DDC: variants seen among roughly 807,000 people sequenced by gnomAD.
DDC encodes the protein aromatic-L-amino-acid decarboxylase.
DDC carries 43 observed loss-of-function variants against 60.0 expected under a neutral mutation model. The ratio of observed to expected loss-of-function variants is 0.72; its 90% CI spans 0.56 to 0.92. The LOEUF (loss-of-function observed/expected upper bound fraction) is 0.92, where lower values mean the gene tolerates loss of function less well. Ranked by LOEUF, DDC falls within the 40% of genes least tolerant of loss-of-function variation. DDC has a pLI of 0.00. For synonymous variants in DDC, 232 were observed against 234.6 expected (o/e 0.99, Z 0.10); for missense variants, 573 against 620.2 (o/e 0.92, Z 0.81).
intron 1 of DDC, among the ~76,000 whole-genome samples, chr7:50,559,855 G>C (rs1347494785): frequency 2.6e-5 from 4 of 152,210 alleles, no homozygotes; most frequent in Admixed American, 1.3e-4. Flanking sequence ...TTGAAGAGCA[G>C]AAAACAAAAG....
chr7:50,460,349 A>G (rs1405737208), intron 14 of DDC, among the ~76,000 whole-genome samples: 12 of 119,756 alleles, frequency 1.0e-4, no homozygotes, highest in Middle Eastern at 6.9e-3. Flanking sequence ...CGCCCCGTCC[A>G]GGAAGGAGGT....
intron 9 of DDC, among the ~76,000 whole-genome samples, chr7:50,489,032 A>G (rs534921975): frequency 3.2e-4 from 48 of 152,224 alleles, no homozygotes; most frequent in African/African-American, 1.1e-3. Context: ...TTTGAGATGG[A>G]GTCTTGCTCT....
At chr7:50,521,246 A>C (rs2043881655) in intron 6 of DDC, among the ~76,000 whole-genome samples, 3 of 152,152 alleles carry the variant, frequency 2.0e-5, no homozygotes, top group Non-Finnish European at 1.5e-5. Flanking sequence ...GCCAAAACTC[A>C]GACAAAGAGA....
intron 11 of DDC, among the ~76,000 whole-genome samples, chr7:50,474,501 C>T (rs1434941920): frequency 6.6e-6 from 1 of 152,170 alleles, no homozygotes; most frequent in Non-Finnish European, 1.5e-5. Flanking sequence ...CAGGCAAGCC[C>T]TGCCACCTTC....
intron 14 of DDC, chr7:50,459,525 C>T (rs1427813467): frequency 1.6e-4 from 29 of 176,510 alleles, no homozygotes; most frequent in African/African-American, 5.8e-4. Context: ...CGCCTCTTCC[C>T]GGCCGCCATC....
At chr7:50,527,868 A>G in intron 6 of DDC, 1 of 372,948 alleles carries the variant, frequency 2.7e-6, no homozygotes, top group Non-Finnish European at 5.1e-6. Context: ...GACAAAACAA[A>G]AAAAAAAATG....
chr7:50,502,928 C>T (rs1487204997), intron 7 of DDC, among the ~76,000 whole-genome samples: 2 of 152,204 alleles, frequency 1.3e-5, no homozygotes, highest in Non-Finnish European at 2.9e-5. Flanking sequence ...GGGCTGCACC[C>T]TAGCTTCCTT....
rs762401724 is a variant in DDC, at chr7:50,554,588, G to GT, written c.-28-10476dup. Among the ~76,000 whole-genome samples the GT allele has an allele frequency of 1.8e-3, 280 of 152,162 alleles. 1 individual carries two copies. Among genetic ancestry groups the GT allele is most frequent in the Non-Finnish European group, 2.7e-3 (181 of 68,006 alleles). On this transcript the variant is annotated intron_variant, in intron 1 of 14. Coordinates refer to ENST00000444124, the MANE Select transcript of DDC (RefSeq NM_001082971.2). ...AAATCCACTGTTTTGCAACTGCTGG[G>GT]TTTTTTTAGCTTACAAGACTTAGGT...
intron 1 of DDC, among the ~76,000 whole-genome samples, chr7:50,553,511 G>A (rs1177588310): frequency 3.5e-5 from 4 of 114,106 alleles, no homozygotes; most frequent in African/African-American, 1.3e-4. Context: ...TTTTGAGATG[G>A]AGTCTTGCTC....
chr7:50,480,259 CT>C (rs1285468024), intron 9 of DDC, among the ~76,000 whole-genome samples: 1 of 152,138 alleles, frequency 6.6e-6, no homozygotes, highest in African/African-American at 2.4e-5. Flanking sequence ...TTAAAAACTC[CT>C]AAGTGGCAGG....
intron 1 of DDC, among the ~76,000 whole-genome samples, chr7:50,563,810 C>G (rs529734004): frequency 6.6e-6 from 1 of 152,186 alleles, no homozygotes; most frequent in Non-Finnish European, 1.5e-5. Context: ...CCATGTTGCC[C>G]AGGCTGGTCT....
chr7:50,493,083 A>G, intron 9 of DDC: 1 of 1,214,186 alleles, frequency 8.2e-7, no homozygotes, highest in Non-Finnish European at 1.2e-6. Context: ...GGGACCCAAA[A>G]TATTTCTGGT....
intron 4 of DDC, among the ~76,000 whole-genome samples, chr7:50,532,471 G>C (rs1022970137): frequency 2.6e-5 from 4 of 152,204 alleles, no homozygotes; most frequent in African/African-American, 9.7e-5. Flanking sequence ...GGATGAGCTG[G>C]TGTAACAGTC....
rs6964142 is a variant in DDC, at chr7:50,519,735, G to C, written c.714+8402C>G. The stretch of plus-strand genomic sequence containing the variant: ...TGATACAATGGGCTTTGGGGACTTG[G>C]GGGGAAGAGTGGGAGCGGGGGTGAG... On this transcript the variant is annotated intron_variant, in intron 6 of 14. Coordinates refer to ENST00000444124, the MANE Select transcript of DDC (RefSeq NM_001082971.2). 5.0e-3 allele frequency among the ~76,000 whole-genome samples: 762 copies of C among 152,160 alleles called. 5 individuals are homozygous for C. Among genetic ancestry groups the C allele is most frequent in the African/African-American group, 0.016 (683 of 41,498 alleles).
intron 6 of DDC, among the ~76,000 whole-genome samples, chr7:50,512,890 T>A (rs779373982): frequency 1.3e-5 from 2 of 152,152 alleles, no homozygotes; most frequent in Non-Finnish European, 2.9e-5. Flanking sequence ...TAGAAAGTCA[T>A]CACACATACC....
Position 50,458,748 on chromosome 7 carries a change from G to A in DDC, c.*114C>T, listed in dbSNP as rs974677725. The A allele has an allele frequency of 5.3e-5, 8 of 152,082 alleles. No individual in the cohort carries two copies. Among genetic ancestry groups the A allele is most frequent in the Non-Finnish European group, 8.8e-5 (6 of 68,000 alleles). 9.4% of individuals were successfully genotyped at this position (152,082 alleles called of 1,614,324 possible). A position where few individuals can be genotyped will look rare whatever the true frequency, so the allele number is the denominator to read the frequency against. ...TCTGGATAACTTTGGAGAAAGACAT[G>A]GGAAGCCACAGACAGCTGAGTTCCA... On this transcript the variant is annotated 3_prime_UTR_variant, in exon 15 of 15. Coordinates refer to ENST00000444124, the MANE Select transcript of DDC (RefSeq NM_001082971.2).
At chr7:50,489,509 G>A (rs892519578) in intron 9 of DDC, among the ~76,000 whole-genome samples, 1 of 152,114 alleles carries the variant, frequency 6.6e-6, no homozygotes, top group Non-Finnish European at 1.5e-5. Flanking sequence ...TGACTCCTGG[G>A]TCTAAAAAAG....
At position 50,458,862 on chromosome 7, in the gene DDC, G is replaced by A. The variant is rs1239258848; in HGVS notation, c.*19-19C>T. The A allele has an allele frequency of 6.6e-6, 1 of 151,822 alleles. No individual in the cohort carries two copies. Among genetic ancestry groups the A allele is most frequent in the Non-Finnish European group, 1.5e-5 (1 of 67,974 alleles). The allele number at this position is 151,822 out of a possible 1,614,324, so 9.4% of individuals were successfully genotyped here. A position where few individuals can be genotyped will look rare whatever the true frequency, so the allele number is the denominator to read the frequency against. On this transcript the variant is annotated intron_variant, in intron 14 of 14. Coordinates refer to ENST00000444124, the MANE Select transcript of DDC (RefSeq NM_001082971.2). ...TTGATTCCTACAGGGAAAAAAAATAGCATGAGCATATGGCTACATTAAAAA... is the reference window on the plus strand; with the variant it reads ...TTGATTCCTACAGGGAAAAAAAATAACATGAGCATATGGCTACATTAAAAA...
chr7:50,553,487 T>TC (rs1554437598), intron 1 of DDC, among the ~76,000 whole-genome samples: 7 of 131,928 alleles, frequency 5.3e-5, no homozygotes, highest in East Asian at 4.2e-4. Flanking sequence ...TTCTTTTCTT[T>TC]TTTTTTTTTT....
Sources: gnomAD v4.1 joint callset for allele counts (sites outside exome capture counted in the v4.1 genomes callset) on GRCh38, gnomAD v4.1.1 for gene constraint, MANE v1.5 for transcripts, NCBI Gene and HGNC (gene_info 2026-07-23, HGNC 2026-07-21) for gene names.